TRPC6: variants seen among roughly 807,000 people sequenced by gnomAD.
The protein encoded by TRPC6 is short transient receptor potential channel 6.
A neutral mutation model predicts 90.7 loss-of-function variants in TRPC6; 55 were observed. The ratio of observed to expected loss-of-function variants is 0.61; its 90% CI spans 0.49 to 0.76. The LOEUF (loss-of-function observed/expected upper bound fraction) is 0.76, where lower values mean the gene tolerates loss of function less well. Among genes scored for constraint, TRPC6 ranks in the 30% least tolerant of loss-of-function variants. TRPC6 has a pLI of 0.00. For missense variants in TRPC6, 989 were observed against 1,122.7 expected, an observed-to-expected ratio of 0.88 and a Z score of 1.70; for synonymous variants, 393 against 393.0, an observed-to-expected ratio of 1.00 and a Z score of 0.00.
Position 101,493,465 on chromosome 11 carries a change from A to C in TRPC6, c.946-1727T>G, listed in dbSNP as rs1431436677. 2.6e-5 allele frequency among the ~76,000 whole-genome samples: 4 copies of C among 152,164 alleles called. No homozygotes were observed. The East Asian group carries it at 7.7e-4, about 29-fold the overall frequency. ...ATTGCTCAGGTTGAATTATGTGTCC[A>C]AAATCATGCAGCTAGTAAGCACCAA... On this transcript the variant is annotated intron_variant, in intron 2 of 12. Coordinates refer to ENST00000344327, the MANE Select transcript of TRPC6 (RefSeq NM_004621.6).
chr11:101,471,411 A>G, intron 8 of TRPC6, 25 bp from the exon 9 acceptor site: 5 of 1,612,050 alleles, frequency 3.1e-6, no homozygotes, highest in Non-Finnish European at 4.2e-6. Flanking sequence ...ATGACAGTTC[A>G]GCAAGGAAAT....
chr11:101,550,386 A>G (rs925047663), intron 1 of TRPC6, among the ~76,000 whole-genome samples: 2 of 151,686 alleles, frequency 1.3e-5, no homozygotes, highest in Non-Finnish European at 1.5e-5. Flanking sequence ...ATGGATAGGT[A>G]TAAGAACATA....
At chr11:101,550,746 T>A (rs1861431576) in intron 1 of TRPC6, among the ~76,000 whole-genome samples, 1 of 151,868 alleles carries the variant, frequency 6.6e-6, no homozygotes. Context: ...ATGGAGAGTA[T>A]GTGGTATAAC....
intron 10 of TRPC6, among the ~76,000 whole-genome samples, chr11:101,468,210 G>A (rs1048150235): frequency 1.3e-5 from 2 of 152,046 alleles, no homozygotes; most frequent in Non-Finnish European, 2.9e-5. Flanking sequence ...CTTCTCACCT[G>A]TAATATTGTT....
At chr11:101,583,277 G>T in intron 1 of TRPC6, 57 bp downstream of exon 1, 3 of 1,528,388 alleles carry the variant, frequency 2.0e-6, no homozygotes, top group Non-Finnish European at 2.6e-6. Context: ...TCCTGCGAGC[G>T]CACAACCTCC....
At chr11:101,516,552 C>T (rs144847275) in intron 1 of TRPC6, among the ~76,000 whole-genome samples, 8 of 152,248 alleles carry the variant, frequency 5.3e-5, no homozygotes, top group South Asian at 2.1e-4. Context: ...CTAAACAATA[C>T]AAATTAGCTC....
At chr11:101,564,563 G>T (rs1052799859) in intron 1 of TRPC6, among the ~76,000 whole-genome samples, 17 of 152,034 alleles carry the variant, frequency 1.1e-4, no homozygotes, top group African/African-American at 4.1e-4. Flanking sequence ...CAATATAAAA[G>T]AAATTGAAGA....
intron 1 of TRPC6, among the ~76,000 whole-genome samples, chr11:101,534,089 A>G (rs1259232058): frequency 1.3e-5 from 2 of 152,070 alleles, no homozygotes; most frequent in Non-Finnish European, 2.9e-5. Context: ...TCAATGATGG[A>G]TACTGAACTG....
intron 1 of TRPC6, among the ~76,000 whole-genome samples, chr11:101,556,152 C>A (rs1286915721): frequency 2.0e-5 from 3 of 151,994 alleles, no homozygotes; most frequent in Non-Finnish European, 4.4e-5. Context: ...TAATATTATA[C>A]CTCAATGAAA....
intron 2 of TRPC6, among the ~76,000 whole-genome samples, chr11:101,497,231 A>G (rs1859970954): frequency 6.6e-6 from 1 of 152,242 alleles, no homozygotes; most frequent in African/African-American, 2.4e-5. Flanking sequence ...AAATAACAGA[A>G]TAATTCATAA....
rs373591780 is a variant in TRPC6, at chr11:101,500,210, C to CTTTTTTTTTTTTTTTTTTTTTT, written c.945+3813_945+3814insAAAAAAAAAAAAAAAAAAAAAA. Among the ~76,000 whole-genome samples the CTTTTTTTTTTTTTTTTTTTTTT allele has an allele frequency of 2.2e-5, 3 of 137,710 alleles. 1 individual carries two copies. The highest frequency in any genetic ancestry group is 3.1e-5 in the Non-Finnish European group (2 of 65,080). The allele number at this position is 137,710 out of a possible 152,430, so 90.3% of individuals were successfully genotyped here. On this transcript the variant is annotated intron_variant, in intron 2 of 12. Transcript: ENST00000344327. Reference sequence around the variant, plus strand: ...ATTTTTCAAAATGTGTATTTTTTTTCTTTCTTTTTTTTTTTTGAGACGGAG... The same window carrying CTTTTTTTTTTTTTTTTTTTTTT: ...ATTTTTCAAAATGTGTATTTTTTTTCTTTTTTTTTTTTTTTTTTTTTTTTTCTTTTTTTTTTTTGAGACGGAG...
At chr11:101,454,957 T>C in intron 11 of TRPC6, 61 bp downstream of exon 11, 11 of 1,302,028 alleles carry the variant, frequency 8.4e-6, no homozygotes, top group East Asian at 2.3e-5. Flanking sequence ...AAGAATCACA[T>C]AGTTCAAGAA....
intron 1 of TRPC6, among the ~76,000 whole-genome samples, chr11:101,565,497 A>G (rs1190755329): frequency 6.6e-6 from 1 of 152,070 alleles, no homozygotes; most frequent in African/African-American, 2.4e-5. Flanking sequence ...AATTCTGAGA[A>G]ATTCTTTTAT....
rs780180941 is a variant in TRPC6 at position 101,453,027 on chromosome 11, G to A, written c.2724C>T (p.Asp908=). The A allele has an allele frequency of 1.9e-6, 3 of 1,613,848 alleles. No homozygotes were observed. The highest frequency in any genetic ancestry group is 2.2e-5 in the South Asian group (2 of 91,082). The part of the protein sequence containing the change: ...LLEEKSQNTE[D]LAELIRELGE... ...CAAGTTCTCTAATAAGTTCTGCTAGGTCTTCTGTATTCTGAGATTTTTCTT... is the reference window on the plus strand; with the variant it reads ...CAAGTTCTCTAATAAGTTCTGCTAGATCTTCTGTATTCTGAGATTTTTCTT... The change falls in exon 13 of 13, where the codon GAC becomes GAT. Residue 908 remains aspartate, a synonymous_variant. Coordinates refer to ENST00000344327, the MANE Select transcript of TRPC6 (RefSeq NM_004621.6).
At chr11:101,550,812 T>C (rs1323228420) in intron 1 of TRPC6, among the ~76,000 whole-genome samples, 1 of 151,706 alleles carries the variant, frequency 6.6e-6, no homozygotes, top group Non-Finnish European at 1.5e-5. Flanking sequence ...AAATATTGCA[T>C]ATTTATATAT....
At chr11:101,536,890 G>A (rs550033494) in intron 1 of TRPC6, among the ~76,000 whole-genome samples, 1 of 152,340 alleles carries the variant, frequency 6.6e-6, no homozygotes, top group East Asian at 1.9e-4. Context: ...AAGGAGACCA[G>A]TTAGGAGACT....
intron 4 of TRPC6, among the ~76,000 whole-genome samples, chr11:101,483,469 G>A (rs2136691647): frequency 6.6e-6 from 1 of 152,130 alleles, no homozygotes; most frequent in South Asian, 2.1e-4. Flanking sequence ...AATAATATCA[G>A]CATTATTCAT....
chr11:101,517,953 G>A (rs903539664), intron 1 of TRPC6, among the ~76,000 whole-genome samples: 2 of 152,160 alleles, frequency 1.3e-5, no homozygotes, highest in African/African-American at 2.4e-5. Flanking sequence ...TATTCCCATA[G>A]CTGGTGTTAA....
chr11:101,583,394 T>G lies in TRPC6; in HGVS notation c.110A>C (p.Glu37Ala). ...TTGCGGGCAGCCGTCTTCTCCCAGC[T>G]CCGAGTCCATGAGCAGATAGTCCTG... ...ESQDYLLMDS[E>A]LGEDGCPQAP... The change falls in exon 1 of 13, where the codon GAG becomes GCG. Residue 37 changes from glutamate to alanine, a missense_variant. By Grantham distance (107) the Glu-to-Ala change is moderately radical. Coordinates refer to ENST00000344327, the MANE Select transcript of TRPC6 (RefSeq NM_004621.6). The G allele has an allele frequency of 6.3e-7, 1 of 1,589,776 alleles. No individual in the cohort carries two copies. Among genetic ancestry groups the G allele is most frequent in the African/African-American group, 1.3e-5 (1 of 74,340 alleles).
Sources: gnomAD v4.1 joint callset for allele counts (sites outside exome capture counted in the v4.1 genomes callset) on GRCh38, gnomAD v4.1.1 for gene constraint, MANE v1.5 for transcripts, NCBI Gene and HGNC (gene_info 2026-07-23, HGNC 2026-07-21) for gene names.